Variants in BNC2 observed in about 807,000 individuals in gnomAD.
BNC2 encodes basonuclin zinc finger protein 2, also known as zinc finger protein basonuclin-2.
In BNC2, 20 loss-of-function variants were observed where a neutral mutation model predicts 76.3. That is an observed-to-expected ratio of 0.26 (90% CI 0.18 to 0.38). The LOEUF (loss-of-function observed/expected upper bound fraction) is 0.38, where lower values mean the gene tolerates loss of function less well. BNC2 is among the 10% of genes least tolerant of loss of function. The pLI, the probability that BNC2 is intolerant of heterozygous loss-of-function variation, is 1.00. For synonymous variants in BNC2, 582 were observed against 514.8 expected (o/e 1.13, Z -1.77); for missense variants, 1,382 against 1,399.8 (o/e 0.99, Z 0.20).
chr9:16,528,863 A>G (rs375800197), intron 5 of BNC2, among the ~76,000 whole-genome samples: 35 of 152,320 alleles, frequency 2.3e-4, no homozygotes, highest in East Asian at 1.3e-3. Flanking sequence ...TTAGTTTCCT[A>G]GGGCTGCCAC....
intron 1 of BNC2, among the ~76,000 whole-genome samples, chr9:16,843,852 T>A (rs945904420): frequency 9.9e-5 from 15 of 152,202 alleles, no homozygotes; most frequent in African/African-American, 3.6e-4. Context: ...AAGCAGAAAT[T>A]CATGTTAGAA....
chr9:16,674,561 G>A (rs1054057285), intron 3 of BNC2, among the ~76,000 whole-genome samples: 2 of 152,042 alleles, frequency 1.3e-5, no homozygotes, highest in Non-Finnish European at 2.9e-5. Context: ...AAGCAAAAAG[G>A]TTTTTACTTG....
At chr9:16,490,582 G>C (rs1263009899) in intron 5 of BNC2, among the ~76,000 whole-genome samples, 1 of 152,148 alleles carries the variant, frequency 6.6e-6, no homozygotes. Flanking sequence ...GTGTGGGTGT[G>C]TGTATGTGTG....
chr9:16,752,327 T>C (rs1454566105), intron 1 of BNC2, among the ~76,000 whole-genome samples: 1 of 152,254 alleles, frequency 6.6e-6, no homozygotes, highest in Non-Finnish European at 1.5e-5. Flanking sequence ...CAAAGCCTAC[T>C]GCTTTAAATA....
chr9:16,464,127 T>C (rs1019850901), intron 5 of BNC2, among the ~76,000 whole-genome samples: 2 of 141,856 alleles, frequency 1.4e-5, no homozygotes, highest in Non-Finnish European at 3.1e-5. Flanking sequence ...AGAAGACAAA[T>C]ATAAATGATT....
At chr9:16,855,104 T>A (rs1196173979) in intron 1 of BNC2, among the ~76,000 whole-genome samples, 2 of 151,888 alleles carry the variant, frequency 1.3e-5, no homozygotes, top group Non-Finnish European at 2.9e-5. Flanking sequence ...CCACCTCATA[T>A]GGTATACAGA....
intron 5 of BNC2, among the ~76,000 whole-genome samples, chr9:16,459,817 G>A (rs1481101545): frequency 2.0e-5 from 3 of 152,152 alleles, no homozygotes; most frequent in Non-Finnish European, 4.4e-5. Context: ...CATAGTAAAT[G>A]CATATATTTT....
chr9:16,473,495 C>A (rs1057331771), intron 5 of BNC2: 1 of 152,232 alleles, frequency 6.6e-6, no homozygotes, highest in South Asian at 2.1e-4. Flanking sequence ...AGCTCCACCA[C>A]TGTCAAAGCA....
chr9:16,749,434 T>C (rs757796603), intron 1 of BNC2, among the ~76,000 whole-genome samples: 5 of 151,944 alleles, frequency 3.3e-5, no homozygotes, highest in African/African-American at 9.7e-5. Flanking sequence ...CGAATAAAAG[T>C]ATAATAATCC....
At chr9:16,811,886 G>C (rs1338577571) in intron 1 of BNC2, among the ~76,000 whole-genome samples, 1 of 152,174 alleles carries the variant, frequency 6.6e-6, no homozygotes, top group Non-Finnish European at 1.5e-5. Flanking sequence ...TGCAGCGGAG[G>C]TCTCAAACAG....
At chr9:16,553,893 C>T (rs1269345958) in intron 4 of BNC2, among the ~76,000 whole-genome samples, 4 of 152,114 alleles carry the variant, frequency 2.6e-5, no homozygotes, top group African/African-American at 4.8e-5. Flanking sequence ...AGTGAGATAA[C>T]GAGTGAGAGG....
intron 3 of BNC2, among the ~76,000 whole-genome samples, chr9:16,610,006 C>A (rs192502900): frequency 6.6e-6 from 1 of 152,068 alleles, no homozygotes; most frequent in African/African-American, 2.4e-5. Flanking sequence ...CACTTATGTC[C>A]CTTAATACCA....
At chr9:16,766,971 A>G (rs1288061599) in intron 1 of BNC2, among the ~76,000 whole-genome samples, 2 of 152,234 alleles carry the variant, frequency 1.3e-5, no homozygotes, top group Non-Finnish European at 2.9e-5. Context: ...TACAGAGCCT[A>G]ACAATTTTTA....
intron 3 of BNC2, among the ~76,000 whole-genome samples, chr9:16,653,923 C>G (rs539344316): frequency 6.6e-6 from 1 of 151,994 alleles, no homozygotes; most frequent in South Asian, 2.1e-4. Context: ...TCGCCTCCCC[C>G]ACTCCTTCCT....
At chr9:16,718,539 A>G (rs1308324741) in intron 3 of BNC2, among the ~76,000 whole-genome samples, 1 of 152,176 alleles carries the variant, frequency 6.6e-6, no homozygotes, top group Non-Finnish European at 1.5e-5. Context: ...AGAGAGACTC[A>G]TCCTGGTGTC....
At chr9:16,438,423 C>T (rs577068870) in intron 5 of BNC2, among the ~76,000 whole-genome samples, 13 of 152,154 alleles carry the variant, frequency 8.5e-5, no homozygotes, top group Non-Finnish European at 1.5e-4. Flanking sequence ...AATCACCAGA[C>T]TATGTGTTGT....
intron 1 of BNC2, among the ~76,000 whole-genome samples, chr9:16,741,580 T>A (rs1382202768): frequency 2.6e-5 from 4 of 152,008 alleles, no homozygotes. Flanking sequence ...CAAGAAAGTA[T>A]AGCTCAGAGT....
At chr9:16,674,914 A>G (rs1822592383) in intron 3 of BNC2, among the ~76,000 whole-genome samples, 1 of 152,208 alleles carries the variant, frequency 6.6e-6, no homozygotes, top group Non-Finnish European at 1.5e-5. Flanking sequence ...GAAACAGATT[A>G]TTAGATGGGA....
chr9:16,498,001 G>GTGTGTGTA (rs1822428390), intron 5 of BNC2, among the ~76,000 whole-genome samples: 1 of 135,554 alleles, frequency 7.4e-6, no homozygotes, highest in East Asian at 2.0e-4. Context: ...GTGTGTGTGT[G>GTGTGTGTA]TGTGTGTGTG....
Sources: allele counts gnomAD v4.1 joint callset (sites outside exome capture counted in the v4.1 genomes callset), GRCh38; gene constraint gnomAD v4.1.1; transcripts MANE v1.5; gene names NCBI Gene and HGNC (gene_info 2026-07-23, HGNC 2026-07-21).